Variants in ADGRB3 observed in about 807,000 individuals in gnomAD.
ADGRB3 encodes the protein adhesion G protein-coupled receptor B3, also known as brain-specific angiogenesis inhibitor 3.
A neutral mutation model predicts 193.4 loss-of-function variants in ADGRB3; 37 were observed. The ratio of observed to expected loss-of-function variants is 0.19; its 90% CI spans 0.15 to 0.25. The LOEUF is 0.25. Ranked by LOEUF, ADGRB3 falls within the 10% of genes least tolerant of loss-of-function variation. ADGRB3 has a pLI of 1.00. For synonymous variants in ADGRB3, 690 were observed against 644.2 expected, an observed-to-expected ratio of 1.07 and a Z score of -1.08; for missense variants, 1,637 against 1,852.9, an observed-to-expected ratio of 0.88 and a Z score of 2.14.
chr6:69,190,010 C>G (rs1765154947), intron 17 of ADGRB3, among the ~76,000 whole-genome samples: 2 of 152,118 alleles, frequency 1.3e-5, no homozygotes, highest in Admixed American at 6.6e-5. Flanking sequence ...TGGAAACAAA[C>G]ATACGGTATT....
At chr6:68,739,026 A>T (rs951921548) in intron 3 of ADGRB3, among the ~76,000 whole-genome samples, 1 of 152,198 alleles carries the variant, frequency 6.6e-6, no homozygotes, top group African/African-American at 2.4e-5. Context: ...TTATATGTCA[A>T]GTAAAAGGAA....
intron 26 of ADGRB3, among the ~76,000 whole-genome samples, chr6:69,340,428 G>A (rs550891064): frequency 6.6e-6 from 1 of 152,198 alleles, no homozygotes; most frequent in East Asian, 1.9e-4. Flanking sequence ...TAGTCACTTT[G>A]AGAAAACAGT....
At chr6:68,658,824 C>A (rs1768553285) in intron 3 of ADGRB3, among the ~76,000 whole-genome samples, 6 of 151,186 alleles carry the variant, frequency 4.0e-5, no homozygotes, top group Admixed American at 3.3e-4. Context: ...GCTGCTTAAT[C>A]TTTTCTGTAA....
At chr6:69,024,090 G>C (rs908167293) in intron 13 of ADGRB3, among the ~76,000 whole-genome samples, 1 of 151,994 alleles carries the variant, frequency 6.6e-6, no homozygotes, top group Non-Finnish European at 1.5e-5. Context: ...AGTCATAAAA[G>C]TTTTTTTCAA....
At chr6:69,173,487 C>CT (rs1775342551) in intron 17 of ADGRB3, among the ~76,000 whole-genome samples, 1 of 152,008 alleles carries the variant, frequency 6.6e-6, no homozygotes, top group South Asian at 2.1e-4. Flanking sequence ...GTGGATAAGA[C>CT]AGGTGTAAGA....
intron 3 of ADGRB3, among the ~76,000 whole-genome samples, chr6:68,754,149 T>A (rs1048670526): frequency 2.0e-5 from 3 of 152,176 alleles, no homozygotes; most frequent in Non-Finnish European, 4.4e-5. Flanking sequence ...AATCTAAGGA[T>A]AAAAAATGTA....
At chr6:68,749,296 T>TA (rs1056158190) in intron 3 of ADGRB3, among the ~76,000 whole-genome samples, 3 of 152,164 alleles carry the variant, frequency 2.0e-5, no homozygotes, top group South Asian at 2.1e-4. Context: ...TCCAAACTTT[T>TA]ATGCTCTGCT....
At chr6:69,100,826 GAA>G (rs1773012704) in intron 17 of ADGRB3, among the ~76,000 whole-genome samples, 1 of 96,744 alleles carries the variant, frequency 1.0e-5, no homozygotes, top group Non-Finnish European at 2.2e-5. Flanking sequence ...AGGAAGGAAA[GAA>G]GGAAGGAAGG....
intron 20 of ADGRB3, among the ~76,000 whole-genome samples, chr6:69,274,896 A>C (rs1767268281): frequency 6.6e-6 from 1 of 152,086 alleles, no homozygotes; most frequent in Admixed American, 6.6e-5. Flanking sequence ...GAGTCTTAGA[A>C]ATGTACTGAT....
At chr6:68,775,853 T>G (rs1582191685) in intron 3 of ADGRB3, among the ~76,000 whole-genome samples, 1 of 152,312 alleles carries the variant, frequency 6.6e-6, no homozygotes, top group Non-Finnish European at 1.5e-5. Flanking sequence ...TTGTCTTTTT[T>G]GGTTCTTTCT....
intron 3 of ADGRB3, among the ~76,000 whole-genome samples, chr6:68,674,354 T>A (rs1234956755): frequency 3.3e-5 from 5 of 152,116 alleles, no homozygotes; most frequent in Non-Finnish European, 5.9e-5. Context: ...TAGAAGGGAA[T>A]TTTTTTGCCA....
chr6:68,733,392 G>A (rs1034926931), intron 3 of ADGRB3, among the ~76,000 whole-genome samples: 2 of 151,494 alleles, frequency 1.3e-5, no homozygotes, highest in African/African-American at 4.8e-5. Context: ...ATTCAGAAAA[G>A]TAAATAAAAC....
rs534425087 is a variant in ADGRB3 at position 69,263,245 on chromosome 6, T to C, written c.2814+24019T>C. 1.2e-3 allele frequency among the ~76,000 whole-genome samples: 184 copies of C among 152,174 alleles called. 1 individual carries two copies. The highest frequency in any genetic ancestry group is 4.1e-3 in the African/African-American group (169 of 41,564). ...ACTGACACTGACATCAGTGAATGTT[T>C]TTTATGTTAGTATTGATGTCCACAG... On this transcript the variant is annotated intron_variant, in intron 20 of 31. Coordinates refer to ENST00000370598, the MANE Select transcript of ADGRB3 (RefSeq NM_001704.3).
chr6:69,001,708 A>C (rs1160844853), intron 11 of ADGRB3, among the ~76,000 whole-genome samples: 1 of 152,210 alleles, frequency 6.6e-6, no homozygotes, highest in Non-Finnish European at 1.5e-5. Flanking sequence ...AGAAATGTCC[A>C]CAGGTCCTCA....
At chr6:68,862,943 C>T (rs1765197909) in intron 3 of ADGRB3, among the ~76,000 whole-genome samples, 1 of 152,076 alleles carries the variant, frequency 6.6e-6, no homozygotes, top group African/African-American at 2.4e-5. Context: ...TGAGTTATAA[C>T]TTTGGTATAG....
At chr6:68,676,197 C>A (rs1444612717) in intron 3 of ADGRB3, among the ~76,000 whole-genome samples, 1 of 151,866 alleles carries the variant, frequency 6.6e-6, no homozygotes, top group Non-Finnish European at 1.5e-5. Context: ...TGGAGACCAT[C>A]CTGGCTAACA....
chr6:69,035,222 G>C (rs951525784), intron 13 of ADGRB3, among the ~76,000 whole-genome samples: 2 of 151,982 alleles, frequency 1.3e-5, no homozygotes, highest in Non-Finnish European at 2.9e-5. Context: ...GCTGGTATGA[G>C]GATTTAAATG....
chr6:68,871,773 CAT>C (rs1421543485), intron 3 of ADGRB3, among the ~76,000 whole-genome samples: 2 of 152,024 alleles, frequency 1.3e-5, no homozygotes, highest in East Asian at 3.9e-4. Flanking sequence ...AAATATTGAG[CAT>C]ATGTCTTAAT....
intron 22 of ADGRB3, among the ~76,000 whole-genome samples, chr6:69,329,795 G>A (rs1022596444): frequency 6.6e-6 from 1 of 152,128 alleles, no homozygotes; most frequent in Non-Finnish European, 1.5e-5. Flanking sequence ...TCCAGTGTCA[G>A]CCCCATTCCC....
Sources: gnomAD v4.1 joint callset for allele counts (sites outside exome capture counted in the v4.1 genomes callset) on GRCh38, gnomAD v4.1.1 for gene constraint, MANE v1.5 for transcripts, NCBI Gene and HGNC (gene_info 2026-07-23, HGNC 2026-07-21) for gene names.